Variants in SNRPC observed in about 807,000 individuals in gnomAD.
SNRPC encodes the protein U1 small nuclear ribonucleoprotein C.
A neutral mutation model predicts 20.0 loss-of-function variants in SNRPC; 5 were observed. The ratio of observed to expected loss-of-function variants is 0.25; its 90% confidence interval spans 0.13 to 0.53. The LOEUF is 0.53. Among genes scored for constraint, SNRPC ranks in the 20% least tolerant of loss-of-function variants. SNRPC has a pLI of 0.96. For synonymous variants in SNRPC, 61 were observed against 58.7 expected (o/e 1.04, Z -0.18); for missense variants, 112 against 224.1 (o/e 0.50, Z 3.19).
intron 5 of SNRPC, 25 bp downstream of exon 5, chr6:34,770,420 A>G: frequency 1.4e-6 from 2 of 1,457,776 alleles, no homozygotes; most frequent in Non-Finnish European, 1.9e-6. Flanking sequence ...CTGTCTTTCT[A>G]GTTTGTTCCA....
chr6:34,758,063 A>G lies in SNRPC; in HGVS notation c.51+109A>G, dbSNP rs975317067. ...TGTGCTTTCCCACCTGCTGAGGTTT[A>G]AGGTCTACTCCTTGAAGAAAATAAT... On this transcript the variant is annotated intron_variant, in intron 2 of 5. Transcript: ENST00000244520. 260 of 1,158,782 alleles carry G rather than the reference A, an allele frequency of 2.2e-4. 1 individual carries two copies. The highest frequency in any genetic ancestry group is 2.9e-4 in the Non-Finnish European group (237 of 812,920). 71.8% of individuals were successfully genotyped at this position (1,158,782 alleles called of 1,614,324 possible).
chr6:34,768,477 C>T (rs528341619), intron 4 of SNRPC, among the ~76,000 whole-genome samples: 3 of 152,140 alleles, frequency 2.0e-5, no homozygotes, highest in East Asian at 3.9e-4. Flanking sequence ...TTAGGCTGGG[C>T]GTGGTGGTTC....
At chr6:34,768,057 T>C (rs1318598592) in intron 4 of SNRPC, 60 bp downstream of exon 4, 2 of 1,477,912 alleles carry the variant, frequency 1.4e-6, no homozygotes, top group Non-Finnish European at 1.8e-6. Flanking sequence ...TTGATTAGGT[T>C]AGATTATCTC....
At chr6:34,764,741 G>T (rs891776910) in intron 3 of SNRPC, among the ~76,000 whole-genome samples, 2 of 151,978 alleles carry the variant, frequency 1.3e-5, no homozygotes, top group Non-Finnish European at 2.9e-5. Context: ...AGAAGCGGGG[G>T]CCTGGCATGG....
chr6:34,764,408 G>A (rs1443716662), intron 3 of SNRPC, among the ~76,000 whole-genome samples: 2 of 151,798 alleles, frequency 1.3e-5, no homozygotes, highest in Non-Finnish European at 2.9e-5. Context: ...CCTGGGAGGC[G>A]GAGGTTGGGT....
chr6:34,768,735 T>C (rs1221787442), intron 4 of SNRPC, among the ~76,000 whole-genome samples: 1 of 130,014 alleles, frequency 7.7e-6, no homozygotes, highest in Non-Finnish European at 1.6e-5. Context: ...GCCTGGGCAA[T>C]ACAGCAAGAC....
Position 34,762,731 on chromosome 6 carries a change from G to T in SNRPC, c.160+28G>T, listed in dbSNP as rs75803215. 427 of 1,154,312 alleles carry T rather than the reference G, an allele frequency of 3.7e-4. 7 individuals are homozygous for T. The East Asian group carries it at 9.2e-3, about 25-fold the overall frequency. The allele number at this position is 1,154,312 out of a possible 1,614,324, so 71.5% of individuals were successfully genotyped here. A position where few individuals can be genotyped will look rare whatever the true frequency, so the allele number is the denominator to read the frequency against. ...ATGTTTCAATCTCTTGTTCTGCTGT[G>T]GTAAAATGGTCCTATTCTTTCTTAT... On this transcript the variant is annotated intron_variant, in intron 3 of 5. Transcript: ENST00000244520.
chr6:34,771,851 C>A (rs1388034557), intron 5 of SNRPC, among the ~76,000 whole-genome samples: 2 of 152,146 alleles, frequency 1.3e-5, no homozygotes, highest in Non-Finnish European at 2.9e-5. Context: ...CAAATGACTT[C>A]AATGGCTTTA....
chr6:34,758,596 T>C (rs1764484782), intron 2 of SNRPC, among the ~76,000 whole-genome samples: 1 of 152,118 alleles, frequency 6.6e-6, no homozygotes, highest in African/African-American at 2.4e-5. Context: ...ATTACAGGTG[T>C]GAGCCACCAT....
At chr6:34,761,388 T>TCAGG (rs1007460831) in intron 2 of SNRPC, among the ~76,000 whole-genome samples, 2 of 152,128 alleles carry the variant, frequency 1.3e-5, no homozygotes, top group African/African-American at 4.8e-5. Context: ...TCCGCACACT[T>TCAGG]TGGCCTCCCA....
At chr6:34,761,071 A>G (rs1057316011) in intron 2 of SNRPC, among the ~76,000 whole-genome samples, 2 of 151,730 alleles carry the variant, frequency 1.3e-5, no homozygotes, top group Non-Finnish European at 2.9e-5. Flanking sequence ...AAAAAAAACA[A>G]CAAAAAAGAA....
At chr6:34,757,797 G>C (rs778889271) in intron 1 of SNRPC, 115 bp from the exon 2 acceptor site, 14 of 1,599,236 alleles carry the variant, frequency 8.8e-6, no homozygotes, top group South Asian at 6.7e-5. Context: ...GTCGTGAGGC[G>C]GTCTGGCTTT....
chr6:34,770,286 T>G lies in SNRPC; in HGVS notation c.251-5T>G, dbSNP rs1408644562. 2.5e-6 allele frequency: 4 copies of G among 1,597,816 alleles called. No individual in the cohort carries two copies. Among genetic ancestry groups the G allele is most frequent in the Non-Finnish European group, 3.4e-6 (4 of 1,165,704 alleles). ...CTTAACCACAGGCTCCATTCTTTAT[T>G]TCAGCGGGTCCTCCTCGCCCTGGTA... On this transcript the variant is annotated splice_polypyrimidine_tract_variant and splice_region_variant and intron_variant, in intron 4 of 5. Transcript: ENST00000244520.
chr6:34,765,107 T>C (rs1764596780), intron 3 of SNRPC, among the ~76,000 whole-genome samples: 1 of 152,314 alleles, frequency 6.6e-6, no homozygotes, highest in East Asian at 1.9e-4. Context: ...AGCACTCTTG[T>C]TCCATTTATT....
chr6:34,759,019 CAAAAA>C (rs755576537), intron 2 of SNRPC, among the ~76,000 whole-genome samples: 42 of 24,622 alleles, frequency 1.7e-3, no homozygotes, highest in South Asian at 3.4e-3. Flanking sequence ...GACTCCGTCT[CAAAAA>C]AAAAAAAAAA....
At chr6:34,764,061 C>G (rs138207634) in intron 3 of SNRPC, among the ~76,000 whole-genome samples, 9 of 151,636 alleles carry the variant, frequency 5.9e-5, no homozygotes, top group Non-Finnish European at 1.2e-4. Flanking sequence ...CAAAACTGTC[C>G]GGGCACAGTG....
chr6:34,770,461 T>A, intron 5 of SNRPC, 66 bp downstream of exon 5: 4 of 1,023,388 alleles, frequency 3.9e-6, no homozygotes, highest in Non-Finnish European at 6.1e-6. Context: ...TAGCTGACAC[T>A]TAATGGAAGG....
At position 34,773,329 on chromosome 6, in the gene SNRPC, T is replaced by C. The variant is rs1038415544; in HGVS notation, c.356-117T>C. 4 of 808,052 alleles carry C rather than the reference T, an allele frequency of 5.0e-6. No individual in the cohort carries two copies. Among genetic ancestry groups the C allele is most frequent in the Non-Finnish European group, 7.7e-6 (4 of 519,626 alleles). 50.1% of individuals were successfully genotyped at this position (808,052 alleles called of 1,614,324 possible). A position where few individuals can be genotyped will look rare whatever the true frequency, so the allele number is the denominator to read the frequency against. On this transcript the variant is annotated intron_variant, in intron 5 of 5. Coordinates refer to ENST00000244520, the MANE Select transcript of SNRPC (RefSeq NM_003093.3). The surrounding 1 kb of genome is among the most constrained non-coding windows in gnomAD (Gnocchi z 4.1). ...TTTCTTCTGTCACGTGTGTCTTTTTTCCAGCATTTTGCAAGGGGGGCTACG... is the reference window on the plus strand; with the variant it reads ...TTTCTTCTGTCACGTGTGTCTTTTTCCCAGCATTTTGCAAGGGGGGCTACG...
At chr6:34,771,580 T>G (rs1202679710) in intron 5 of SNRPC, among the ~76,000 whole-genome samples, 1 of 152,200 alleles carries the variant, frequency 6.6e-6, no homozygotes, top group Non-Finnish European at 1.5e-5. Context: ...TAGAAGCTAT[T>G]CTCTTTTCAC....
Sources: allele counts gnomAD v4.1 joint callset (sites outside exome capture counted in the v4.1 genomes callset), GRCh38; gene constraint gnomAD v4.1.1; non-coding constraint Gnocchi (gnomAD v3.1); transcripts MANE v1.5; gene names NCBI Gene and HGNC (gene_info 2026-07-23, HGNC 2026-07-21).